The following VOPP1 variants were observed in gnomAD, a reference collection of about 807,000 sequenced individuals.
The protein encoded by VOPP1 is VOPP1 WW domain binding protein, also known as WW domain binding protein VOPP1.
Under a neutral mutation model 23.5 loss-of-function variants are expected in VOPP1, and 8 were observed. The observed-to-expected ratio is 0.34, with a 90% CI of 0.20 to 0.61. The LOEUF (loss-of-function observed/expected upper bound fraction) is 0.61. Among genes scored for constraint, VOPP1 ranks in the 20% least tolerant of loss-of-function variants. VOPP1 has a pLI of 0.78. For missense variants in VOPP1, 174 were observed against 238.1 expected (o/e 0.73, Z 1.77); for synonymous variants, 83 against 97.3 (o/e 0.85, Z 0.86).
At chr7:55,551,809 GA>G (rs889002288) in intron 1 of VOPP1, among the ~76,000 whole-genome samples, 10 of 152,114 alleles carry the variant, frequency 6.6e-5, no homozygotes, top group African/African-American at 1.9e-4. Context: ...GGAGGCCCAG[GA>G]GCGTGGATCA....
intron 1 of VOPP1, among the ~76,000 whole-genome samples, chr7:55,534,519 C>A (rs1796670393): frequency 6.6e-6 from 1 of 152,212 alleles, no homozygotes; most frequent in African/African-American, 2.4e-5. Flanking sequence ...TACTTTCCCC[C>A]AACTGGGTTT....
At chr7:55,463,848 G>A (rs1791567990) in intron 4 of VOPP1, among the ~76,000 whole-genome samples, 1 of 152,238 alleles carries the variant, frequency 6.6e-6, no homozygotes, top group Admixed American at 6.5e-5. Flanking sequence ...ATAGATGCAG[G>A]CTACAGCAGG....
At chr7:55,447,407 T>C (rs1484223574) in intron 4 of VOPP1, among the ~76,000 whole-genome samples, 2 of 152,186 alleles carry the variant, frequency 1.3e-5, no homozygotes, top group Non-Finnish European at 2.9e-5. Context: ...AGGAGGACTC[T>C]GGTGTTGCTT....
intron 1 of VOPP1, among the ~76,000 whole-genome samples, chr7:55,551,458 G>A (rs1344660224): frequency 6.6e-6 from 1 of 152,166 alleles, no homozygotes; most frequent in African/African-American, 2.4e-5. Flanking sequence ...AGCATGCCTC[G>A]AAAGTCAATT....
chr7:55,442,401 C>T (rs1339169999), intron 4 of VOPP1, among the ~76,000 whole-genome samples: 1 of 152,062 alleles, frequency 6.6e-6, no homozygotes, highest in African/African-American at 2.4e-5. Context: ...CAAAGCAACG[C>T]CAGAAGACGT....
intron 2 of VOPP1, among the ~76,000 whole-genome samples, chr7:55,502,804 C>T (rs146247370): frequency 0.011 from 1,670 of 152,284 alleles, 11 homozygotes; most frequent in Middle Eastern, 0.02. Flanking sequence ...CTCCCAAGGA[C>T]GTCGCAAGAC....
At chr7:55,535,494 C>A (rs550319845) in intron 1 of VOPP1, among the ~76,000 whole-genome samples, 6 of 152,292 alleles carry the variant, frequency 3.9e-5, no homozygotes, top group Non-Finnish European at 7.4e-5. Context: ...ATTGGCTCTT[C>A]CTGTCTCTGC....
intron 1 of VOPP1, among the ~76,000 whole-genome samples, chr7:55,538,007 C>T (rs1422095849): frequency 6.6e-6 from 1 of 152,230 alleles, no homozygotes; most frequent in Non-Finnish European, 1.5e-5. Flanking sequence ...CCCCATTCAG[C>T]TCACACACCC....
At chr7:55,543,700 G>GGT (rs1554299802) in intron 1 of VOPP1, among the ~76,000 whole-genome samples, 1 of 146,026 alleles carries the variant, frequency 6.8e-6, no homozygotes, top group Non-Finnish European at 1.5e-5. Flanking sequence ...CATTTACATG[G>GGT]TTTTTTTTTT....
At chr7:55,510,343 T>A (rs577011025) in intron 2 of VOPP1, among the ~76,000 whole-genome samples, 1 of 152,326 alleles carries the variant, frequency 6.6e-6, no homozygotes, top group South Asian at 2.1e-4. Flanking sequence ...CCTTATCTTG[T>A]CTCCTACTAA....
At position 55,500,484 on chromosome 7, in the gene VOPP1, T is replaced by C. The variant is rs896574185; in HGVS notation, c.114-2794A>G. On this transcript the variant is annotated intron_variant, in intron 2 of 4. Coordinates refer to ENST00000285279, the MANE Select transcript of VOPP1 (RefSeq NM_030796.5). ...GAGGACTCCAAGCTCCAGGTGAGAA[T>C]GCAGTGCAGCCCACTGCTTAATCTC... Among the ~76,000 whole-genome samples, 5 of 152,232 alleles carry C rather than the reference T, an allele frequency of 3.3e-5. No homozygotes were observed. In the South Asian group the frequency reaches 6.2e-4, roughly 19 times the overall value.
intron 2 of VOPP1, among the ~76,000 whole-genome samples, 193 bp downstream of exon 2, chr7:55,520,879 A>G (rs77077324): frequency 0.011 from 1,674 of 152,284 alleles, 11 homozygotes; most frequent in Middle Eastern, 0.02. Context: ...GCTGTCCTCA[A>G]CGTAACTGGT....
chr7:55,516,010 T>A, intron 2 of VOPP1: 1 of 985,446 alleles, frequency 1.0e-6, no homozygotes, highest in Non-Finnish European at 1.2e-6. Flanking sequence ...GCAAAGGAGC[T>A]GAGGAAGCGA....
At chr7:55,538,217 C>T (rs752961101) in intron 1 of VOPP1, among the ~76,000 whole-genome samples, 12 of 152,212 alleles carry the variant, frequency 7.9e-5, no homozygotes, top group African/African-American at 2.2e-4. Flanking sequence ...TTGCTACAAA[C>T]CACTCTGAGT....
rs79302631 is a variant in VOPP1, at chr7:55,562,770, G to A, written c.54+9501C>T. Among the ~76,000 whole-genome samples the A allele has an allele frequency of 1.3e-3, 192 of 152,310 alleles. 1 individual carries two copies. Among genetic ancestry groups the A allele is most frequent in the African/African-American group, 4.4e-3 (185 of 41,576 alleles). The stretch of plus-strand genomic sequence containing the variant: ...GAGCTCCACTGAGGACAGACACAGA[G>A]GGCAAGGTGGAGGCCTAGTGAGAAG... On this transcript the variant is annotated intron_variant, in intron 1 of 4. Coordinates refer to ENST00000285279, the MANE Select transcript of VOPP1 (RefSeq NM_030796.5).
intron 4 of VOPP1, among the ~76,000 whole-genome samples, chr7:55,447,662 TAAA>T (rs1791136268): frequency 1.3e-5 from 2 of 152,234 alleles, no homozygotes; most frequent in Admixed American, 1.3e-4. Flanking sequence ...ATGTATGCTA[TAAA>T]TATACGTGTA....
chr7:55,447,410 T>C (rs1791128924), intron 4 of VOPP1, among the ~76,000 whole-genome samples: 1 of 152,168 alleles, frequency 6.6e-6, no homozygotes, highest in Admixed American at 6.5e-5. Flanking sequence ...AGGACTCTGG[T>C]GTTGCTTGGG....
At chr7:55,481,416 G>C (rs907910926) in intron 4 of VOPP1, among the ~76,000 whole-genome samples, 5 of 152,228 alleles carry the variant, frequency 3.3e-5, no homozygotes, top group Non-Finnish European at 7.3e-5. Context: ...GAGGCAGCAA[G>C]AGAACCACCA....
At chr7:55,457,307 T>A (rs1191837809) in intron 4 of VOPP1, among the ~76,000 whole-genome samples, 1 of 152,262 alleles carries the variant, frequency 6.6e-6, no homozygotes, top group African/African-American at 2.4e-5. Context: ...TTCATTTTTT[T>A]AATAGCGAAA....
Sources: gnomAD v4.1 joint callset for allele counts (sites outside exome capture counted in the v4.1 genomes callset) on GRCh38, gnomAD v4.1.1 for gene constraint, MANE v1.5 for transcripts, NCBI Gene and HGNC (gene_info 2026-07-23, HGNC 2026-07-21) for gene names.